TBCK: variants seen among roughly 807,000 people sequenced by gnomAD.
The protein encoded by TBCK is TBC1 domain containing kinase.
A neutral mutation model predicts 113.4 loss-of-function variants in TBCK; 99 were observed. The observed-to-expected ratio is 0.87, with a 90% CI of 0.74 to 1.03. TBCK has a LOEUF of 1.03. Among genes scored for constraint, TBCK ranks in the 50% least tolerant of loss-of-function variants. TBCK has a pLI of 0.00. For synonymous variants in TBCK, 369 were observed against 370.8 expected (o/e 1.00, Z 0.05); for missense variants, 1,045 against 1,061.3 (o/e 0.98, Z 0.21).
Position 106,171,193 on chromosome 4 carries a change from G to T in TBCK, c.2137C>A (p.His713Asn), listed in dbSNP as rs779490203. The T allele has an allele frequency of 1.2e-6, 2 of 1,612,750 alleles. No homozygotes were observed. The highest frequency in any genetic ancestry group is 1.7e-6 in the Non-Finnish European group (2 of 1,179,306). ...GAAGATGGCTTTGGAGGTTGAGCAT[G>T]CTGTCTGTAAGTAGCACTTTTAGGA... is the stretch of plus-strand genomic sequence containing the variant. Reference protein sequence around the residue: ...WTPKSATYRQHAQPPKPSSDS... With the variant: ...WTPKSATYRQNAQPPKPSSDS... Residue 713 changes from histidine to asparagine, a missense_variant, in exon 23 of 26, where the codon CAT (histidine) becomes AAT (asparagine). Physicochemically the swap from His to Asn is moderately conservative, Grantham distance 68. Coordinates refer to ENST00000394708, the MANE Select transcript of TBCK (RefSeq NM_001163435.3).
intron 22 of TBCK, among the ~76,000 whole-genome samples, chr4:106,174,588 T>C (rs1751409694): frequency 6.6e-6 from 1 of 152,128 alleles, no homozygotes; most frequent in Non-Finnish European, 1.5e-5. Flanking sequence ...TGCTGGGCAT[T>C]TGGTGGATCC....
chr4:106,295,039 C>T, intron 3 of TBCK, 55 bp downstream of exon 3: 1 of 1,468,462 alleles, frequency 6.8e-7, no homozygotes, highest in Non-Finnish European at 9.3e-7. Flanking sequence ...AACAAAATGC[C>T]TTTTTGTTTG....
intron 25 of TBCK, among the ~76,000 whole-genome samples, chr4:106,051,182 C>T (rs1345765131): frequency 6.6e-6 from 1 of 151,814 alleles, no homozygotes; most frequent in Non-Finnish European, 1.5e-5. Flanking sequence ...GTATGTAGAA[C>T]AGAATCATGT....
chr4:106,132,320 TCAGCTCC>T (rs2149624462), intron 23 of TBCK, among the ~76,000 whole-genome samples: 1 of 152,324 alleles, frequency 6.6e-6, no homozygotes, highest in Non-Finnish European at 1.5e-5. Context: ...CACAACTGCT[TCAGCTCC>T]AGCCCTGGCT....
intron 12 of TBCK, 76 bp from the exon 13 acceptor site, chr4:106,236,884 T>C (rs1006343151): frequency 1.3e-6 from 1 of 777,988 alleles, no homozygotes; most frequent in Admixed American, 3.1e-5. Flanking sequence ...AAAAGACAAG[T>C]AATATAACAA....
At chr4:106,081,502 C>T (rs529465348) in intron 25 of TBCK, among the ~76,000 whole-genome samples, 22 of 152,216 alleles carry the variant, frequency 1.4e-4, no homozygotes, top group Non-Finnish European at 2.6e-4. Flanking sequence ...GGGAACAACA[C>T]ACACTGGGGC....
intron 3 of TBCK, among the ~76,000 whole-genome samples, chr4:106,263,631 G>A (rs1473821572): frequency 6.6e-6 from 1 of 151,276 alleles, no homozygotes; most frequent in African/African-American, 2.4e-5. Context: ...CATAAAACAG[G>A]GTAAATGTTA....
chr4:106,156,125 C>A (rs1749094891), intron 23 of TBCK, among the ~76,000 whole-genome samples: 1 of 152,170 alleles, frequency 6.6e-6, no homozygotes, highest in Non-Finnish European at 1.5e-5. Flanking sequence ...ATTGTTCTTG[C>A]AGACTTGTAG....
intron 24 of TBCK, among the ~76,000 whole-genome samples, chr4:106,111,437 G>C (rs1484097282): frequency 6.6e-6 from 1 of 152,060 alleles, no homozygotes; most frequent in African/African-American, 2.4e-5. Context: ...TTGCAGAACG[G>C]GACAGAGAAA....
At chr4:106,158,341 G>A (rs1416663766) in intron 23 of TBCK, among the ~76,000 whole-genome samples, 2 of 152,098 alleles carry the variant, frequency 1.3e-5, no homozygotes, top group Admixed American at 6.5e-5. Context: ...TCAGGAGTTC[G>A]AGACCAGCCT....
intron 24 of TBCK, among the ~76,000 whole-genome samples, chr4:106,103,429 C>G (rs1403182050): frequency 6.6e-6 from 1 of 152,122 alleles, no homozygotes; most frequent in Non-Finnish European, 1.5e-5. Flanking sequence ...TTTCTATTAA[C>G]TCATTTGTTT....
chr4:106,288,717 C>G (rs536234029), intron 3 of TBCK, among the ~76,000 whole-genome samples: 12 of 152,314 alleles, frequency 7.9e-5, no homozygotes, highest in Admixed American at 6.5e-4. Context: ...GTAGCTCTTT[C>G]TTTTTCATTG....
At chr4:106,183,610 G>C (rs1376959062) in intron 22 of TBCK, among the ~76,000 whole-genome samples, 1 of 152,044 alleles carries the variant, frequency 6.6e-6, no homozygotes, top group Non-Finnish European at 1.5e-5. Flanking sequence ...CATGTAATCA[G>C]TGAGTAAACT....
At chr4:106,257,138 A>G (rs892632933) in intron 5 of TBCK, among the ~76,000 whole-genome samples, 4 of 152,186 alleles carry the variant, frequency 2.6e-5, no homozygotes, top group African/African-American at 7.2e-5. Flanking sequence ...CATAGGAGCA[A>G]TTGCTAAATT....
intron 23 of TBCK, among the ~76,000 whole-genome samples, chr4:106,142,626 A>C (rs1747266056): frequency 6.6e-6 from 1 of 152,138 alleles, no homozygotes; most frequent in Non-Finnish European, 1.5e-5. Flanking sequence ...CTTTCCGTAG[A>C]ATTGTGCCAA....
chr4:106,120,377 C>T (rs966685470), intron 23 of TBCK, among the ~76,000 whole-genome samples: 4 of 152,180 alleles, frequency 2.6e-5, no homozygotes, highest in Admixed American at 1.3e-4. Context: ...AAGGCGGCAG[C>T]GAGGCTGGGG....
intron 25 of TBCK, among the ~76,000 whole-genome samples, chr4:106,087,088 T>G (rs1396078658): frequency 6.6e-6 from 1 of 152,054 alleles, no homozygotes; most frequent in African/African-American, 2.4e-5. Context: ...GCCAGGGAAA[T>G]CAGGCAAGAG....
chr4:106,254,978 CTT>C lies in TBCK; in HGVS notation c.456-2973_456-2972del, dbSNP rs778944049. ...GTTTCTCTTTGGGAAAATGCAGGCT[CTT>C]TGTAGGTGTTTGTTCTTCTCTACAT... On this transcript the variant is annotated intron_variant, in intron 5 of 25. Transcript: ENST00000394708. 48 of 200,622 alleles carry C rather than the reference CTT, an allele frequency of 2.4e-4. 1 individual carries two copies. The highest frequency in any genetic ancestry group is 4.8e-4 in the South Asian group (7 of 14,490). 12.4% of individuals were successfully genotyped at this position (200,622 alleles called of 1,614,324 possible).
chr4:106,112,660 T>C (rs1158563452), intron 24 of TBCK, among the ~76,000 whole-genome samples: 2 of 152,210 alleles, frequency 1.3e-5, no homozygotes, highest in Non-Finnish European at 2.9e-5. Flanking sequence ...GCCCACCCTG[T>C]ATGCACTTTT....
Sources: allele counts gnomAD v4.1 joint callset (sites outside exome capture counted in the v4.1 genomes callset), GRCh38; gene constraint gnomAD v4.1.1; transcripts MANE v1.5; gene names NCBI Gene and HGNC (gene_info 2026-07-23, HGNC 2026-07-21).